Variants in AKR1C8 observed in about 807,000 individuals in gnomAD.
The protein encoded by AKR1C8 is aldo-keto reductase family 1 member C-like protein 1.
the AKR1C8 span, among the ~76,000 whole-genome samples, chr10:5,167,656 C>T: frequency 6.6e-6 from 1 of 152,044 alleles, no homozygotes; most frequent in South Asian, 2.1e-4. Flanking sequence ...GGAGGGATAG[C>T]ATTTGGAGAT....
the AKR1C8 span, among the ~76,000 whole-genome samples, chr10:5,134,451 C>T: frequency 1.3e-5 from 2 of 152,124 alleles, no homozygotes; most frequent in Admixed American, 1.3e-4. Context: ...AATAAAGTCT[C>T]CATTTTGCCT....
the AKR1C8 span, among the ~76,000 whole-genome samples, chr10:5,150,245 A>C: frequency 1.3e-5 from 2 of 152,154 alleles, no homozygotes; most frequent in South Asian, 4.1e-4. Flanking sequence ...AGTCTTGGAC[A>C]AGAGGTGATT....
the AKR1C8 span, chr10:5,154,493 G>C: frequency 3.7e-6 from 1 of 267,332 alleles, no homozygotes; most frequent in Non-Finnish European, 7.4e-6. Flanking sequence ...TGACATTAAA[G>C]AGTACCTTCT....
chr10:5,124,646 TACAAAAAATTAAA>T, the AKR1C8 span, among the ~76,000 whole-genome samples: 1 of 152,034 alleles, frequency 6.6e-6, no homozygotes, highest in Non-Finnish European at 1.5e-5. Context: ...TTGTAAACAA[TACAAAAAATTAAA>T]ACATCATTGC....
chr10:5,171,219 A>G, the AKR1C8 span, among the ~76,000 whole-genome samples: 1 of 151,330 alleles, frequency 6.6e-6, no homozygotes, highest in Admixed American at 6.6e-5. Context: ...TTTATAGCTG[A>G]TTATAAAACC....
chr10:5,160,647 T>A, the AKR1C8 span, among the ~76,000 whole-genome samples: 71 of 152,268 alleles, frequency 4.7e-4, no homozygotes, highest in African/African-American at 1.6e-3. Context: ...GTAGAGGCCA[T>A]CTCATTCCAC....
the AKR1C8 span, chr10:5,184,976 G>A: frequency 1.9e-6 from 1 of 533,236 alleles, no homozygotes; most frequent in African/African-American, 1.9e-5. Flanking sequence ...AAGTACAGCT[G>A]ACCTAAGAAA....
the AKR1C8 span, among the ~76,000 whole-genome samples, chr10:5,175,799 A>C: frequency 3.3e-5 from 5 of 150,348 alleles, no homozygotes; most frequent in Admixed American, 2.0e-4. Flanking sequence ...CTGTTCATGA[A>C]CTTCGCCCAC....
At chr10:5,121,072 A>T in the AKR1C8 span, among the ~76,000 whole-genome samples, 1 of 150,380 alleles carries the variant, frequency 6.6e-6, no homozygotes, top group Non-Finnish European at 1.5e-5. Context: ...AACGACATAG[A>T]GGCTTTTCTT....
the AKR1C8 span, among the ~76,000 whole-genome samples, chr10:5,183,360 G>A: frequency 1.1e-4 from 16 of 152,050 alleles, no homozygotes; most frequent in Non-Finnish European, 2.1e-4. Context: ...CACCGAAATC[G>A]TAACAGACAT....
the AKR1C8 span, among the ~76,000 whole-genome samples, chr10:5,176,270 C>T: frequency 2.5e-5 from 3 of 120,764 alleles, no homozygotes; most frequent in Non-Finnish European, 5.8e-5. Flanking sequence ...TCAGGTTTGT[C>T]AAAGATCCGA....
chr10:5,161,041 G>C, the AKR1C8 span, among the ~76,000 whole-genome samples: 1 of 152,112 alleles, frequency 6.6e-6, no homozygotes, highest in Non-Finnish European at 1.5e-5. Flanking sequence ...TTGCATGCAC[G>C]TGTGCATGTG....
At chr10:5,179,036 T>G in the AKR1C8 span, among the ~76,000 whole-genome samples, 62 of 152,302 alleles carry the variant, frequency 4.1e-4, 1 homozygote, top group South Asian at 9.9e-3. Flanking sequence ...GTTAGCTGGT[T>G]ATTTTGCTCG....
At chr10:5,149,433 T>G in the AKR1C8 span, among the ~76,000 whole-genome samples, 2 of 152,134 alleles carry the variant, frequency 1.3e-5, no homozygotes, top group Admixed American at 1.3e-4. Context: ...GCTGAAGCTA[T>G]TTAAAAGACT....
the AKR1C8 span, among the ~76,000 whole-genome samples, chr10:5,168,350 C>T: frequency 6.6e-6 from 1 of 152,030 alleles, no homozygotes; most frequent in African/African-American, 2.4e-5. Flanking sequence ...TGCCCCAGCC[C>T]TTCTTGTTCC....
the AKR1C8 span, chr10:5,161,586 C>T: frequency 2.3e-6 from 1 of 431,880 alleles, no homozygotes; most frequent in Non-Finnish European, 4.6e-6. Flanking sequence ...AAATACAGTG[C>T]AATGCCCTCA....
At chr10:5,157,108 G>A in the AKR1C8 span, among the ~76,000 whole-genome samples, 1 of 152,136 alleles carries the variant, frequency 6.6e-6, no homozygotes, top group Non-Finnish European at 1.5e-5. Context: ...AATCCAGAAG[G>A]AGCCATTGTA....
At chr10:5,168,323 CA>C in the AKR1C8 span, among the ~76,000 whole-genome samples, 1 of 152,014 alleles carries the variant, frequency 6.6e-6, no homozygotes, top group Non-Finnish European at 1.5e-5. Flanking sequence ...AGAAAACCCT[CA>C]AATGCAACTC....
the AKR1C8 span, chr10:5,155,435 G>A: frequency 1.3e-5 from 3 of 229,910 alleles, no homozygotes; most frequent in Admixed American, 5.5e-5. Flanking sequence ...AGATAGTAAG[G>A]GCCTTCAAGA....
Sources: allele counts gnomAD v4.1 joint callset (sites outside exome capture counted in the v4.1 genomes callset), GRCh38; gene constraint gnomAD v4.1.1; transcripts MANE v1.5; gene names NCBI Gene and HGNC (gene_info 2026-07-23, HGNC 2026-07-21).